Variants in HTATIP2 observed in about 807,000 individuals in gnomAD.
HTATIP2 encodes HIV-1 Tat interactive protein 2, also known as protein HTATIP2.
A neutral mutation model predicts 24.7 loss-of-function variants in HTATIP2; 26 were observed. That is an observed-to-expected ratio of 1.05 (90% CI 0.77 to 1.46). HTATIP2 has a LOEUF of 1.46. HTATIP2 is among the 40% of genes most tolerant of loss of function. The pLI, the probability that HTATIP2 is intolerant of heterozygous loss-of-function variation, is 0.00. For missense variants in HTATIP2, 284 were observed against 289.6 expected (o/e 0.98, Z 0.14); for synonymous variants, 99 against 113.2 (o/e 0.87, Z 0.79).
chr11:20,381,844 A>G (rs1209482474), intron 3 of HTATIP2, among the ~76,000 whole-genome samples: 1 of 152,188 alleles, frequency 6.6e-6, no homozygotes, highest in Non-Finnish European at 1.5e-5. Context: ...TGCAACATGA[A>G]TTCTGGACTA....
At chr11:20,382,499 T>G (rs1359703307) in intron 4 of HTATIP2, among the ~76,000 whole-genome samples, 2 of 152,212 alleles carry the variant, frequency 1.3e-5, no homozygotes, top group African/African-American at 4.8e-5. Flanking sequence ...AAATAAAACC[T>G]TACGTCTACT....
chr11:20,376,782 A>G, intron 3 of HTATIP2, 65 bp downstream of exon 3: 1 of 1,251,564 alleles, frequency 8.0e-7, no homozygotes, highest in Non-Finnish European at 1.1e-6. Flanking sequence ...GTACTAAAGA[A>G]TATAAAATAT....
intron 3 of HTATIP2, among the ~76,000 whole-genome samples, chr11:20,381,023 T>C (rs1363390798): frequency 6.6e-6 from 1 of 151,978 alleles, no homozygotes; most frequent in African/African-American, 2.4e-5. Flanking sequence ...CCCCAGAGGG[T>C]AGGGTACGAG....
At position 20,364,338 on chromosome 11, in the gene HTATIP2, T is replaced by G; in HGVS notation, c.101T>G (p.Leu34Arg). 1 of 1,613,762 alleles carries G rather than the reference T, an allele frequency of 6.2e-7. No homozygotes were observed. The highest frequency in any genetic ancestry group is 1.3e-5 in the African/African-American group (1 of 75,022). Residue 34 changes from leucine (L) to arginine (R), a missense_variant, in exon 1 of 5, where the codon CTC (leucine) becomes CGC (arginine). By Grantham distance (102) the Leu-to-Arg change is moderately radical (BLOSUM62 -2). Coordinates refer to ENST00000451739, the MANE Select transcript of HTATIP2 (RefSeq NM_001098522.2). ...LGASGETGRV[L>R]LKEILEQGLF... ...GCCAGCGGAGAAACCGGCAGAGTGCTCTTAAAGGAAATCCTGGAGCAGGGC... is the reference window on the plus strand; with the variant it reads ...GCCAGCGGAGAAACCGGCAGAGTGCGCTTAAAGGAAATCCTGGAGCAGGGC...
rs754452663 is a variant in HTATIP2, at chr11:20,363,837, CGGCGGCGGCGGCTGCTCT to C, written c.-394_-377del. 55 of 1,236,384 alleles carry C rather than the reference CGGCGGCGGCGGCTGCTCT, an allele frequency of 4.4e-5. No homozygotes were observed. Among genetic ancestry groups the C allele is most frequent in the Non-Finnish European group, 5.3e-5 (52 of 985,414 alleles). 76.6% of individuals were successfully genotyped at this position (1,236,384 alleles called of 1,614,324 possible). A position where few individuals can be genotyped will look rare whatever the true frequency, so the allele number is the denominator to read the frequency against. ...ATGGCCGGGCCTGCGGCGCTGAGCG[CGGCGGCGGCGGCTGCTCT>C]GGCGGCCGCCCTGCTCCTGCTGCGT... On this transcript the variant is annotated 5_prime_UTR_variant, in exon 1 of 5. Coordinates refer to ENST00000451739, the MANE Select transcript of HTATIP2 (RefSeq NM_001098522.2).
rs1222710620 is a variant in HTATIP2, at chr11:20,383,129, G to A, written c.653G>A (p.Arg218Lys). The A allele has an allele frequency of 6.2e-7, 1 of 1,614,038 alleles. No individual in the cohort carries two copies. The highest frequency in any genetic ancestry group is 1.1e-5 in the South Asian group (1 of 91,062). The change falls in exon 5 of 5, where the codon AGA becomes AAA. Residue 218 changes from arginine to lysine, a missense_variant. Arg to Lys is a conservative substitution (Grantham distance 26). Transcript: ENST00000451739. ...ATGCTGAACAATGTGGTGAGACCAA[G>A]AGACAAGCAGATGGAACTGCTGGAG... Reference protein sequence around the residue: ...RAMLNNVVRPRDKQMELLENK... With the variant: ...RAMLNNVVRPKDKQMELLENK...
intron 2 of HTATIP2, among the ~76,000 whole-genome samples, chr11:20,371,989 T>C (rs2064776955): frequency 1.3e-5 from 2 of 152,138 alleles, no homozygotes; most frequent in African/African-American, 4.8e-5. Context: ...TAGTCTAATT[T>C]ATAGGGTTGG....
At chr11:20,379,919 A>G (rs1848494620) in intron 3 of HTATIP2, among the ~76,000 whole-genome samples, 1 of 152,202 alleles carries the variant, frequency 6.6e-6, no homozygotes, top group Admixed American at 6.5e-5. Flanking sequence ...ATCGCATTGA[A>G]AGGATATAGA....
intron 2 of HTATIP2, among the ~76,000 whole-genome samples, chr11:20,369,152 TC>T (rs1385785135): frequency 1.3e-5 from 2 of 152,182 alleles, no homozygotes; most frequent in Non-Finnish European, 2.9e-5. Context: ...AGGTGACAGT[TC>T]ATATGTGGCT....
chr11:20,371,426 TGAGACA>T (rs1390912269), intron 2 of HTATIP2, among the ~76,000 whole-genome samples: 1 of 152,202 alleles, frequency 6.6e-6, no homozygotes, highest in Non-Finnish European at 1.5e-5. Flanking sequence ...TCTGTTTTTT[TGAGACA>T]GAGTCTCATT....
chr11:20,373,331 A>G (rs1048466575), intron 2 of HTATIP2, among the ~76,000 whole-genome samples: 2 of 152,210 alleles, frequency 1.3e-5, no homozygotes, highest in African/African-American at 4.8e-5. Flanking sequence ...AGATTGAAAA[A>G]GTCCCATGGT....
chr11:20,364,982 G>GTT lies in HTATIP2; in HGVS notation c.195+566_195+567dup, dbSNP rs67369711. Among the ~76,000 whole-genome samples, 414 of 138,562 alleles carry GTT rather than the reference G, an allele frequency of 3.0e-3. 2 individuals carry two copies. The highest frequency in any genetic ancestry group is 6.5e-3 in the African/African-American group (240 of 36,738). 90.9% of individuals were successfully genotyped at this position (138,562 alleles called of 152,430 possible). On this transcript the variant is annotated intron_variant, in intron 1 of 4. Coordinates refer to ENST00000451739, the MANE Select transcript of HTATIP2 (RefSeq NM_001098522.2). ...ATATTCCCTTCACTCTAAGTTAAAG[G>GTT]TTTTTTTTTTTTTTTTTCTGAGACG... is the stretch of plus-strand genomic sequence containing the variant.
chr11:20,365,526 C>A (rs2064690809), intron 1 of HTATIP2, among the ~76,000 whole-genome samples: 1 of 152,214 alleles, frequency 6.6e-6, no homozygotes, highest in African/African-American at 2.4e-5. Flanking sequence ...AATAAATGTT[C>A]TTGATTCTCG....
At chr11:20,377,266 A>G (rs1848461268) in intron 3 of HTATIP2, among the ~76,000 whole-genome samples, 1 of 151,606 alleles carries the variant, frequency 6.6e-6, no homozygotes, top group South Asian at 2.1e-4. Context: ...TATTTTTGGT[A>G]GAGATGGGGT....
intron 2 of HTATIP2, chr11:20,375,900 C>T (rs1259462067): frequency 2.0e-5 from 3 of 152,220 alleles, no homozygotes; most frequent in African/African-American, 7.2e-5. Context: ...CTTTTCTCTG[C>T]TTTCATTGGC....
Position 20,376,835 on chromosome 11 carries a change from G to A in HTATIP2, c.441+118G>A, listed in dbSNP as rs1360591194. ...ATCAAATGCATCATATTATGCATTT[G>A]TATGGCTACGGGACTGCAGGAATAT... is the stretch of plus-strand genomic sequence containing the variant. On this transcript the variant is annotated intron_variant, in intron 3 of 4. Transcript: ENST00000451739. 3 of 686,364 alleles carry A rather than the reference G, an allele frequency of 4.4e-6. No individual in the cohort carries two copies. In the East Asian group the frequency reaches 9.0e-5, roughly 21 times the overall value. The allele number at this position is 686,364 out of a possible 1,614,324, so 42.5% of individuals were successfully genotyped here. A position where few individuals can be genotyped will look rare whatever the true frequency, so the allele number is the denominator to read the frequency against.
intron 3 of HTATIP2, among the ~76,000 whole-genome samples, chr11:20,377,627 T>C (rs1405226169): frequency 6.6e-6 from 1 of 152,232 alleles, no homozygotes; most frequent in Non-Finnish European, 1.5e-5. Flanking sequence ...ACTTTTCCTA[T>C]GTGAAGTCCT....
chr11:20,374,890 C>G (rs906515159), intron 2 of HTATIP2, among the ~76,000 whole-genome samples: 7 of 152,088 alleles, frequency 4.6e-5, no homozygotes, highest in Non-Finnish European at 1.0e-4. Flanking sequence ...GCCTAAATAC[C>G]ATCTGTGATG....
In HTATIP2 at chr11:20,364,205, A is replaced by AT; in HGVS notation, c.-33_-32insT. On this transcript the variant is annotated 5_prime_UTR_variant, in exon 1 of 5. It removes the in-frame stop codon of an upstream open reading frame in the 5' UTR. Transcript: ENST00000451739. ...AGGACTGGCAGTCCCCTGACACCCTAAGACCGGCATCTGTCGATGTTATTT... is the reference window on the plus strand; with the variant it reads ...AGGACTGGCAGTCCCCTGACACCCTATAGACCGGCATCTGTCGATGTTATTT... The AT allele has an allele frequency of 6.4e-7, 1 of 1,569,908 alleles. No individual in the cohort carries two copies. The highest frequency in any genetic ancestry group is 1.2e-5 in the South Asian group (1 of 85,144).
Sources: allele counts gnomAD v4.1 joint callset (sites outside exome capture counted in the v4.1 genomes callset), GRCh38; gene constraint gnomAD v4.1.1; transcripts MANE v1.5; gene names NCBI Gene and HGNC (gene_info 2026-07-23, HGNC 2026-07-21).